Variants in ADARB2 observed in about 807,000 individuals in gnomAD.
ADARB2 encodes inactive double-stranded RNA-specific editase B2.
Under a neutral mutation model 62.2 loss-of-function variants are expected in ADARB2, and 25 were observed. That is an observed-to-expected ratio of 0.40 (90% CI 0.29 to 0.56). The LOEUF is 0.56. Ranked by LOEUF, ADARB2 falls within the 20% of genes least tolerant of loss-of-function variation. ADARB2 has a pLI of 0.43. For missense variants in ADARB2, 1,071 were observed against 1,077.4 expected (o/e 0.99, Z 0.08); for synonymous variants, 572 against 500.8 (o/e 1.14, Z -1.90).
intron 1 of ADARB2, among the ~76,000 whole-genome samples, chr10:1,678,942 G>C (rs1485814666): frequency 6.6e-6 from 1 of 152,188 alleles, no homozygotes; most frequent in Non-Finnish European, 1.5e-5. Flanking sequence ...GGCTAGAGGT[G>C]GTGCTGGCTC....
At chr10:1,432,843 G>C (rs553699071) in intron 1 of ADARB2, among the ~76,000 whole-genome samples, 1 of 152,044 alleles carries the variant, frequency 6.6e-6, no homozygotes, top group African/African-American at 2.4e-5. Flanking sequence ...GAAGGCCCAG[G>C]CATCCCCCAA....
intron 1 of ADARB2, among the ~76,000 whole-genome samples, chr10:1,533,601 G>A (rs1335075892): frequency 6.6e-6 from 1 of 152,224 alleles, no homozygotes; most frequent in Non-Finnish European, 1.5e-5. Flanking sequence ...GGTGAGCAGT[G>A]GGTTCTTGCC....
intron 1 of ADARB2, among the ~76,000 whole-genome samples, chr10:1,506,468 C>T (rs932197394): frequency 1.3e-5 from 2 of 152,184 alleles, no homozygotes; most frequent in Admixed American, 6.5e-5. Flanking sequence ...CAGACACCAG[C>T]AAAACTCTGC....
intron 1 of ADARB2, among the ~76,000 whole-genome samples, chr10:1,521,717 C>A (rs1003278234): frequency 1.2e-4 from 19 of 152,172 alleles, no homozygotes; most frequent in African/African-American, 4.6e-4. Flanking sequence ...ACAAATTCAA[C>A]CAATTGTCAA....
intron 8 of ADARB2, among the ~76,000 whole-genome samples, chr10:1,191,009 C>T (rs1041185765): frequency 4.6e-5 from 7 of 150,652 alleles, no homozygotes; most frequent in Admixed American, 4.6e-4. Flanking sequence ...GGGGTTTGCA[C>T]GCTCTGGGCC....
At chr10:1,389,600 G>T (rs935423451) in intron 1 of ADARB2, among the ~76,000 whole-genome samples, 23 of 152,038 alleles carry the variant, frequency 1.5e-4, no homozygotes, top group African/African-American at 5.5e-4. Context: ...AAAATTAGCT[G>T]GGTGTGGTGG....
chr10:1,523,646 A>G (rs539960917), intron 1 of ADARB2, among the ~76,000 whole-genome samples: 2 of 152,322 alleles, frequency 1.3e-5, no homozygotes, highest in African/African-American at 4.8e-5. Flanking sequence ...TTCCAAATTA[A>G]TACTGACTCT....
intron 1 of ADARB2, among the ~76,000 whole-genome samples, chr10:1,413,821 T>G (rs969265615): frequency 6.6e-6 from 1 of 152,212 alleles, no homozygotes; most frequent in Non-Finnish European, 1.5e-5. Context: ...AAAAACCGAT[T>G]TGTAAATTAT....
chr10:1,274,949 G>A (rs1444645529), intron 3 of ADARB2, among the ~76,000 whole-genome samples: 1 of 152,204 alleles, frequency 6.6e-6, no homozygotes, highest in Non-Finnish European at 1.5e-5. Context: ...CACGGGTGAA[G>A]GCGGCTGGCA....
At chr10:1,579,347 A>G (rs1418365652) in intron 1 of ADARB2, among the ~76,000 whole-genome samples, 1 of 152,348 alleles carries the variant, frequency 6.6e-6, no homozygotes, top group East Asian at 1.9e-4. Flanking sequence ...TGTGCCGCTG[A>G]ATCATGTAAT....
intron 2 of ADARB2, among the ~76,000 whole-genome samples, chr10:1,369,616 C>T (rs4880834): frequency 0.83 from 126,338 of 152,230 alleles, 56,544 homozygotes; most frequent in Non-Finnish European, 0.98. Context: ...GTAAGTGTAA[C>T]GAAACATCAT....
intron 1 of ADARB2, among the ~76,000 whole-genome samples, chr10:1,393,668 C>A (rs949773494): frequency 6.6e-6 from 1 of 152,288 alleles, no homozygotes; most frequent in South Asian, 2.1e-4. Flanking sequence ...ACCACCCAGG[C>A]CACGCGTTAT....
intron 1 of ADARB2, among the ~76,000 whole-genome samples, chr10:1,624,473 C>A (rs970698799): frequency 2.0e-5 from 3 of 152,158 alleles, no homozygotes; most frequent in African/African-American, 4.8e-5. Context: ...GCCTCCCCAC[C>A]GGCTGGGGAC....
At chr10:1,528,548 C>T (rs946027047) in intron 1 of ADARB2, among the ~76,000 whole-genome samples, 5 of 152,206 alleles carry the variant, frequency 3.3e-5, no homozygotes, top group African/African-American at 9.7e-5. Flanking sequence ...TAGAATTTCA[C>T]GTTACTTGTC....
chr10:1,208,572 C>T (rs141345392), intron 7 of ADARB2, among the ~76,000 whole-genome samples: 2 of 152,334 alleles, frequency 1.3e-5, no homozygotes, highest in Non-Finnish European at 2.9e-5. Flanking sequence ...AGGCCCTGGG[C>T]GGACTGAGGT....
At chr10:1,526,214 C>CAGGTGGGGT (rs1339304356) in intron 1 of ADARB2, among the ~76,000 whole-genome samples, 5 of 149,600 alleles carry the variant, frequency 3.3e-5, no homozygotes, top group African/African-American at 9.9e-5. Context: ...TGGCCTGGGG[C>CAGGTGGGGT]AGGTGGGGTA....
At position 1,540,549 on chromosome 10, in the gene ADARB2, A is replaced by T. The variant is rs566378971; in HGVS notation, c.101-161389T>A. ...AGACGTAGTTCAGACCCTGGATCAC[A>T]GCCGTCCAGACCCCACTCAGATGTA... On this transcript the variant is annotated intron_variant, in intron 1 of 9. Coordinates refer to ENST00000381312, the MANE Select transcript of ADARB2 (RefSeq NM_018702.4). Among the ~76,000 whole-genome samples the T allele has an allele frequency of 2.3e-5, 2 of 87,818 alleles. 1 individual carries two copies. Among genetic ancestry groups the T allele is most frequent in the Non-Finnish European group, 4.6e-5 (2 of 43,210 alleles). 57.6% of individuals were successfully genotyped at this position (87,818 alleles called of 152,430 possible). A position where few individuals can be genotyped will look rare whatever the true frequency, so the allele number is the denominator to read the frequency against.
chr10:1,465,128 C>T (rs2131912502), intron 1 of ADARB2, among the ~76,000 whole-genome samples: 1 of 152,342 alleles, frequency 6.6e-6, no homozygotes, highest in East Asian at 1.9e-4. Flanking sequence ...CAGGCACGGG[C>T]TCAGGCGACT....
intron 1 of ADARB2, among the ~76,000 whole-genome samples, chr10:1,647,311 T>C (rs1834055175): frequency 2.0e-5 from 3 of 152,142 alleles, no homozygotes; most frequent in African/African-American, 4.8e-5. Flanking sequence ...TGGCTCCTTA[T>C]GAAAAAAAAG....
Sources: gnomAD v4.1 joint callset for allele counts (sites outside exome capture counted in the v4.1 genomes callset) on GRCh38, gnomAD v4.1.1 for gene constraint, MANE v1.5 for transcripts, NCBI Gene and HGNC (gene_info 2026-07-23, HGNC 2026-07-21) for gene names.